Variants in BBS9 observed in about 807,000 individuals in gnomAD.
BBS9 encodes Bardet-Biedl syndrome 9, also known as protein PTHB1.
BBS9 carries 89 observed loss-of-function variants against 117.7 expected under a neutral mutation model. The observed-to-expected ratio is 0.76, with a 90% CI of 0.64 to 0.90. The LOEUF (loss-of-function observed/expected upper bound fraction) is 0.90. BBS9 is among the 40% of genes least tolerant of loss of function. BBS9 has a pLI of 0.00. For synonymous variants in BBS9, 379 were observed against 370.9 expected (o/e 1.02, Z -0.25); for missense variants, 982 against 1,042.2 (o/e 0.94, Z 0.80).
rs539930508 is a variant in BBS9, at chr7:33,405,452, C to T, written c.2115+17308C>T. Among the ~76,000 whole-genome samples, 356 of 152,040 alleles carry T rather than the reference C, an allele frequency of 2.3e-3. 2 individuals are homozygous for T. The highest frequency in any genetic ancestry group is 7.9e-3 in the African/African-American group (326 of 41,460). ...TCCTCCTTGTACCTCTGGTAGAATT[C>T]GGCTGTGAATCCATCTGGTCGTGGA... On this transcript the variant is annotated intron_variant, in intron 19 of 22. Transcript: ENST00000242067.
At chr7:33,223,521 G>A (rs1357509656) in intron 5 of BBS9, among the ~76,000 whole-genome samples, 1 of 152,106 alleles carries the variant, frequency 6.6e-6, no homozygotes, top group Non-Finnish European at 1.5e-5. Flanking sequence ...TGCTCATTCA[G>A]GATTGAATTC....
At chr7:33,601,794 C>T (rs939874694) in intron 21 of BBS9, among the ~76,000 whole-genome samples, 2 of 152,160 alleles carry the variant, frequency 1.3e-5, no homozygotes, top group African/African-American at 4.8e-5. Context: ...CTTATAATTA[C>T]ATGCCACAGC....
At chr7:33,508,895 T>C (rs1294388142) in intron 20 of BBS9, among the ~76,000 whole-genome samples, 1 of 152,156 alleles carries the variant, frequency 6.6e-6, no homozygotes, top group Non-Finnish European at 1.5e-5. Flanking sequence ...CTTTAAAAAG[T>C]CTTATTTATC....
At chr7:33,278,785 C>T (rs1801265009) in intron 9 of BBS9, among the ~76,000 whole-genome samples, 1 of 152,174 alleles carries the variant, frequency 6.6e-6, no homozygotes, top group South Asian at 2.1e-4. Flanking sequence ...GTCTGTTATA[C>T]TGGAGGAGGC....
At chr7:33,608,695 A>T (rs1390716318), downstream of BBS9, among the ~76,000 whole-genome samples, 3 of 151,836 alleles carry the variant, frequency 2.0e-5, no homozygotes, top group Non-Finnish European at 4.4e-5. Flanking sequence ...GCACATTTTT[A>T]AATGGGATTA....
At chr7:33,536,645 G>A (rs1426412465) in intron 21 of BBS9, among the ~76,000 whole-genome samples, 2 of 42,288 alleles carry the variant, frequency 4.7e-5, no homozygotes, top group Non-Finnish European at 9.7e-5. Context: ...TTTAACCAGA[G>A]CCTCCTCCTG....
chr7:33,396,598 T>G (rs1461535541), intron 19 of BBS9, among the ~76,000 whole-genome samples: 1 of 152,100 alleles, frequency 6.6e-6, no homozygotes, highest in Non-Finnish European at 1.5e-5. Flanking sequence ...ATTTATAGAT[T>G]AACGCTATTC....
At chr7:33,375,017 A>G (rs931375854) in intron 17 of BBS9, among the ~76,000 whole-genome samples, 11 of 152,100 alleles carry the variant, frequency 7.2e-5, no homozygotes, top group African/African-American at 2.4e-4. Context: ...TCCAAATAGC[A>G]TGAATTGTAT....
chr7:33,435,112 A>G (rs571340631), intron 19 of BBS9, among the ~76,000 whole-genome samples: 1 of 152,298 alleles, frequency 6.6e-6, no homozygotes, highest in Non-Finnish European at 1.5e-5. Flanking sequence ...AAATTTAGGT[A>G]TAATAAATAC....
intron 20 of BBS9, among the ~76,000 whole-genome samples, chr7:33,524,291 T>C (rs984276151): frequency 3.7e-4 from 56 of 152,238 alleles, no homozygotes; most frequent in African/African-American, 1.3e-3. Flanking sequence ...ATTCCCTCTT[T>C]TTCTGTTGAT....
chr7:33,182,712 T>A (rs530069256), intron 5 of BBS9, among the ~76,000 whole-genome samples: 70 of 152,300 alleles, frequency 4.6e-4, no homozygotes, highest in African/African-American at 1.6e-3. Context: ...TATATAAACA[T>A]CACACACACA....
At chr7:33,423,572 T>C (rs1331346399) in intron 19 of BBS9, among the ~76,000 whole-genome samples, 1 of 151,868 alleles carries the variant, frequency 6.6e-6, no homozygotes, top group African/African-American at 2.4e-5. Flanking sequence ...AAAAAGTATT[T>C]AAAAATCTTG....
intron 4 of BBS9, among the ~76,000 whole-genome samples, chr7:33,159,196 C>T (rs1316437507): frequency 6.6e-6 from 1 of 152,098 alleles, no homozygotes; most frequent in Non-Finnish European, 1.5e-5. Context: ...TAACAATTTT[C>T]CTCTTTTGGT....
At chr7:33,581,219 A>G (rs1859852571) in intron 21 of BBS9, among the ~76,000 whole-genome samples, 1 of 152,148 alleles carries the variant, frequency 6.6e-6, no homozygotes. Flanking sequence ...AGACTATAAA[A>G]TAGGACACTT....
At chr7:33,500,840 T>G (rs958003304) in intron 19 of BBS9, among the ~76,000 whole-genome samples, 1 of 152,192 alleles carries the variant, frequency 6.6e-6, no homozygotes, top group Non-Finnish European at 1.5e-5. Context: ...CACACTCACT[T>G]TATGAGTTGA....
chr7:33,192,208 G>A (rs961180881), intron 5 of BBS9, among the ~76,000 whole-genome samples: 15 of 152,242 alleles, frequency 9.9e-5, no homozygotes, highest in African/African-American at 3.6e-4. Context: ...AAATGGAAAA[G>A]CCTTTACTTT....
chr7:33,460,993 T>C (rs1461861707), intron 19 of BBS9, among the ~76,000 whole-genome samples: 1 of 152,096 alleles, frequency 6.6e-6, no homozygotes, highest in African/African-American at 2.4e-5. Context: ...CAATATGTGA[T>C]CTTTGCATCT....
chr7:33,526,228 T>C (rs1011828451), intron 20 of BBS9, among the ~76,000 whole-genome samples: 4 of 152,094 alleles, frequency 2.6e-5, no homozygotes, highest in Non-Finnish European at 4.4e-5. Flanking sequence ...TTATGTGTCT[T>C]GGAGTTGCTC....
Position 33,429,790 on chromosome 7 carries a change from G to A in BBS9, c.2115+41646G>A, listed in dbSNP as rs192259596. The stretch of plus-strand genomic sequence containing the variant: ...ACTCTGTAATTTCAATATTGATTTA[G>A]TTTTGTCGCAGTGGTTTCATAGTAG... On this transcript the variant is annotated intron_variant, in intron 19 of 22. Transcript: ENST00000242067. Among the ~76,000 whole-genome samples the A allele has an allele frequency of 5.4e-4, 82 of 152,128 alleles. No homozygotes were observed. In the East Asian group the frequency reaches 0.013, roughly 25 times the overall value.
Sources: allele counts gnomAD v4.1 joint callset (sites outside exome capture counted in the v4.1 genomes callset), GRCh38; gene constraint gnomAD v4.1.1; transcripts MANE v1.5; gene names NCBI Gene and HGNC (gene_info 2026-07-23, HGNC 2026-07-21).